KMT2B: variants seen among roughly 807,000 people sequenced by gnomAD.
KMT2B encodes the protein lysine methyltransferase 2B.
KMT2B carries 22 observed loss-of-function variants against 255.3 expected under a neutral mutation model. The ratio of observed to expected loss-of-function variants is 0.09; its 90% CI spans 0.06 to 0.12. The LOEUF (loss-of-function observed/expected upper bound fraction) is 0.12. KMT2B is among the 10% of genes least tolerant of loss of function. The pLI is 1.00. For synonymous variants in KMT2B, 1,730 were observed against 1,498.1 expected, an observed-to-expected ratio of 1.15 and a Z score of -3.57; for missense variants, 3,149 against 3,737.0, an observed-to-expected ratio of 0.84 and a Z score of 4.10.
In KMT2B at chr19:35,725,161, A is replaced by G. The variant is rs941657662; in HGVS notation, c.3529-59A>G. On this transcript the variant is annotated intron_variant, in intron 10 of 36. Coordinates refer to ENST00000420124, the MANE Select transcript of KMT2B (RefSeq NM_014727.3). This position sits in a 1 kb window ranked among gnomAD's most constrained non-coding sequence, Gnocchi z 4.1. ...TCGATGACTGTGTCATCGAGAAGCC[A>G]GGTGGGTCTGCCTTGTATGCCTGGC... 2 of 1,577,906 alleles carry G rather than the reference A, an allele frequency of 1.3e-6. No homozygotes were observed. The highest frequency in any genetic ancestry group is 1.7e-5 in the Admixed American group (1 of 59,662).
Position 35,725,820 on chromosome 19 carries a change from TGA to T in KMT2B, c.3885+7_3885+8del. The T allele has an allele frequency of 1.9e-6, 3 of 1,566,446 alleles. No individual in the cohort carries two copies. The highest frequency in any genetic ancestry group is 2.6e-6 in the Non-Finnish European group (3 of 1,155,834). On this transcript the variant is annotated splice_donor_region_variant and intron_variant, in intron 13 of 36. Transcript: ENST00000420124. The surrounding 1 kb of genome is among the most constrained non-coding windows in gnomAD (Gnocchi z 4.1). ...GCCACGCGCAAACGGCGCCACTGGGTGAGAGATGAGGTTCACCCACTTGCTTT... is the reference window on the plus strand; with the variant it reads ...GCCACGCGCAAACGGCGCCACTGGGTGAGATGAGGTTCACCCACTTGCTTT...
In KMT2B at chr19:35,737,325, G is replaced by A; in HGVS notation, c.7550+62G>A. 7.0e-7 allele frequency: 1 copy of A among 1,429,184 alleles called. No individual in the cohort carries two copies. The highest frequency in any genetic ancestry group is 9.2e-7 in the Non-Finnish European group (1 of 1,086,598). 88.5% of individuals were successfully genotyped at this position (1,429,184 alleles called of 1,614,324 possible). On this transcript the variant is annotated intron_variant, in intron 33 of 36. Coordinates refer to ENST00000420124, the MANE Select transcript of KMT2B (RefSeq NM_014727.3). The surrounding 1 kb of genome is among the most constrained non-coding windows in gnomAD (Gnocchi z 5.3). ...CCCCTATGAGAGCTCTTGAGGGTGG[G>A]AGTTAACTGTAGAGGTTGGAAACTG...
intron 1 of KMT2B, among the ~76,000 whole-genome samples, chr19:35,719,021 G>A (rs1047103969): frequency 6.6e-6 from 1 of 152,188 alleles, no homozygotes; most frequent in Non-Finnish European, 1.5e-5. Context: ...TCGCAGTGGA[G>A]CCTGTACGAA....
chr19:35,736,426 G>A (rs1969919410), intron 30 of KMT2B: 1 of 487,300 alleles, frequency 2.1e-6, no homozygotes, highest in Non-Finnish European at 3.7e-6. Flanking sequence ...GTGTCCTGAA[G>A]AGCCAAAAGG....
At position 35,724,815 on chromosome 19, in the gene KMT2B, T is replaced by C. The variant is rs971887082; in HGVS notation, c.3429+84T>C. ...TGACAGACACACCTGAGTGTCGTGG[T>C]GTGTCCACATGAGAGGACAGGCCCT... On this transcript the variant is annotated intron_variant, in intron 9 of 36. Transcript: ENST00000420124. 4 of 1,283,548 alleles carry C rather than the reference T, an allele frequency of 3.1e-6. No homozygotes were observed. The Admixed American group carries it at 5.9e-5, about 19-fold the overall frequency. 79.5% of individuals were successfully genotyped at this position (1,283,548 alleles called of 1,614,324 possible).
Position 35,733,933 on chromosome 19 carries a change from A to C in KMT2B, c.7159+61A>C. 8.1e-7 allele frequency: 1 copy of C among 1,241,548 alleles called. No homozygotes were observed. The highest frequency in any genetic ancestry group is 1.2e-6 in the Non-Finnish European group (1 of 857,848). 76.9% of individuals were successfully genotyped at this position (1,241,548 alleles called of 1,614,324 possible). On this transcript the variant is annotated intron_variant, in intron 30 of 36. Coordinates refer to ENST00000420124, the MANE Select transcript of KMT2B (RefSeq NM_014727.3). The surrounding 1 kb of genome is among the most constrained non-coding windows in gnomAD (Gnocchi z 4.3). ...TGCCTGGCTCAGCTGGGTGACTCAC[A>C]GATGCAAAATCAGCCCTCTTTCAAA...
chr19:35,734,581 G>C (rs1165118216), intron 30 of KMT2B, among the ~76,000 whole-genome samples: 1 of 152,218 alleles, frequency 6.6e-6, no homozygotes, highest in African/African-American at 2.4e-5. Context: ...AGGCCTGGTG[G>C]CTGGTTTTGA....
At position 35,720,378 on chromosome 19, in the gene KMT2B, T is replaced by C. The variant is rs1354984037; in HGVS notation, c.1031T>C (p.Val344Ala). The change falls in exon 3 of 37, where the codon GTT (valine) becomes GCT (alanine). Residue 344 changes from valine to alanine, a missense_variant. Coordinates refer to ENST00000420124, the MANE Select transcript of KMT2B (RefSeq NM_014727.3). ...ESWQDVPQRR[V>A]GSGQGGSPCW... ...TGGCAGGATGTCCCCCAAAGAAGAG[T>C]TGGATCTGGACAGGGAGGGAGCCCT... 1 of 1,592,966 alleles carries C rather than the reference T, an allele frequency of 6.3e-7. No homozygotes were observed. The highest frequency in any genetic ancestry group is 8.5e-7 in the Non-Finnish European group (1 of 1,169,890).
Position 35,729,182 on chromosome 19 carries a change from C to G in KMT2B, c.4803C>G (p.Ile1601Met). 1.2e-6 allele frequency: 2 copies of G among 1,613,264 alleles called. No individual in the cohort carries two copies. The highest frequency in any genetic ancestry group is 2.2e-5 in the South Asian group (2 of 90,954). Residue 1601 changes from isoleucine (I) to methionine (M), a missense_variant, in exon 22 of 37, where the codon ATC (isoleucine) becomes ATG (methionine). This residue lies in a region of KMT2B where 11 missense variants were observed against 47.6 expected (regional missense o/e 0.23). Coordinates refer to ENST00000420124, the MANE Select transcript of KMT2B (RefSeq NM_014727.3). ...AGGAGGCGGGGCGGCTCTTGTACAT[C>G]GGGCAGAACGAGTGGACACACGTCA... is the stretch of plus-strand genomic sequence containing the variant. ...DSKEAGRLLY[I>M]GQNEWTHVNC...
At chr19:35,728,953 T>TA (rs755741881) in intron 20 of KMT2B, 32 bp from the exon 21 acceptor site, 1 of 1,613,448 alleles carries the variant, frequency 6.2e-7, no homozygotes, top group Non-Finnish European at 8.5e-7. Context: ...CGGGTCCTGA[T>TA]TCTTAGACCT....
chr19:35,733,008 C>T lies in KMT2B; in HGVS notation c.6459C>T (p.Thr2153=), dbSNP rs750486219. 124 of 1,596,222 alleles carry T rather than the reference C, an allele frequency of 7.8e-5. No homozygotes were observed. The highest frequency in any genetic ancestry group is 1.7e-4 in the Middle Eastern group (1 of 6,046). Reference sequence around the variant, plus strand: ...GCAGCCAGCCCTCCCAAGGCCTGACCGCCAGCCCAGCTGACCCCACCCGCA... The same window carrying T: ...GCAGCCAGCCCTCCCAAGGCCTGACTGCCAGCCCAGCTGACCCCACCCGCA... ...ANGSQPSQGL[T]ASPADPTRTF... The change falls in exon 28 of 37, where the codon ACC becomes ACT. Residue 2153 remains threonine, a synonymous_variant. Coordinates refer to ENST00000420124, the MANE Select transcript of KMT2B (RefSeq NM_014727.3). The surrounding 1 kb of genome is among the most constrained non-coding windows in gnomAD (Gnocchi z 4.3).
Position 35,738,593 on chromosome 19 carries a change from T to C in KMT2B, c.*36T>C. 1 of 1,594,084 alleles carries C rather than the reference T, an allele frequency of 6.3e-7. No homozygotes were observed. The highest frequency in any genetic ancestry group is 8.6e-7 in the Non-Finnish European group (1 of 1,168,368). On this transcript the variant is annotated 3_prime_UTR_variant, in exon 37 of 37. Coordinates refer to ENST00000420124, the MANE Select transcript of KMT2B (RefSeq NM_014727.3). This position sits in a 1 kb window ranked among gnomAD's most constrained non-coding sequence, Gnocchi z 8.7. ...GCCCACCACGACCCCTCACACCTCC[T>C]GCTGCCGTCGCTGCCATCTTGCCCC...
chr19:35,720,541 G>A lies in KMT2B; in HGVS notation c.1194G>A (p.Glu398=). The part of the protein sequence containing the change: ...EEMMPAAEKE[E]AKLPPPPLTP... ...TGATGCCAGCTGCGGAAAAGGAAGA[G>A]GCAAAGCTGCCACCACCGCCTCTGA... Residue 398 remains glutamate (E), a synonymous_variant, in exon 3 of 37, where the codon GAG becomes GAA. Coordinates refer to ENST00000420124, the MANE Select transcript of KMT2B (RefSeq NM_014727.3). 1 of 1,548,244 alleles carries A rather than the reference G, an allele frequency of 6.5e-7. No individual in the cohort carries two copies. The highest frequency in any genetic ancestry group is 8.7e-7 in the Non-Finnish European group (1 of 1,145,316).
rs201268190 is a variant in KMT2B at position 35,722,465 on chromosome 19, G to A, written c.2564G>A (p.Arg855Gln). Reference protein sequence around the residue: ...EDESVEAKRERPSGPESPVQG... With the variant: ...EDESVEAKREQPSGPESPVQG... The stretch of plus-strand genomic sequence containing the variant: ...GAGTCGGTGGAAGCTAAGAGAGAGC[G>A]GCCCTCAGTATGCATCGGGAGGAGG... Residue 855 changes from arginine (R) to glutamine (Q), a missense_variant, in exon 4 of 37, where the codon CGG becomes CAG. Arg to Gln is a conservative substitution (Grantham distance 43). Coordinates refer to ENST00000420124, the MANE Select transcript of KMT2B (RefSeq NM_014727.3). 108 of 1,607,554 alleles carry A rather than the reference G, an allele frequency of 6.7e-5. No individual in the cohort carries two copies. In the Admixed American group the frequency reaches 9.2e-4, roughly 14 times the overall value.
rs1405324600 is a variant in KMT2B, at chr19:35,730,374, C to T, written c.5109C>T (p.Leu1703=). The change falls in exon 24 of 37, where the codon CTC becomes CTT. Residue 1703 remains leucine (L), a synonymous_variant. Transcript: ENST00000420124. The part of the protein sequence containing the change: ...EIVNPDGFDV[L]RRVYVDFEGI... ...TGAACCCCGATGGTTTTGATGTTCTCCGCCGAGTCTATGTGGACTTCGAGG... is the reference window on the plus strand; with the variant it reads ...TGAACCCCGATGGTTTTGATGTTCTTCGCCGAGTCTATGTGGACTTCGAGG... The T allele has an allele frequency of 1.2e-6, 2 of 1,613,272 alleles. No individual in the cohort carries two copies. The highest frequency in any genetic ancestry group is 2.2e-5 in the East Asian group (1 of 44,870).
Position 35,733,976 on chromosome 19 carries a change from G to C in KMT2B, c.7159+104G>C. 1.3e-6 allele frequency: 1 copy of C among 789,548 alleles called. No individual in the cohort carries two copies. The highest frequency in any genetic ancestry group is 1.7e-5 in the South Asian group (1 of 59,526). The allele number at this position is 789,548 out of a possible 1,614,324, so 48.9% of individuals were successfully genotyped here. Reference sequence around the variant, plus strand: ...CTTTCAAAACCAGTATCTACTCCCAGGGGCCAAGCCTGAGGCTCGGTGCTA... The same window carrying C: ...CTTTCAAAACCAGTATCTACTCCCACGGGCCAAGCCTGAGGCTCGGTGCTA... On this transcript the variant is annotated intron_variant, in intron 30 of 36. Coordinates refer to ENST00000420124, the MANE Select transcript of KMT2B (RefSeq NM_014727.3). This position sits in a 1 kb window ranked among gnomAD's most constrained non-coding sequence, Gnocchi z 4.3.
In KMT2B at chr19:35,725,191, C is replaced by T. The variant is rs760227558; in HGVS notation, c.3529-29C>T. ...GGTCTGCCTTGTATGCCTGGCGGCC[C>T]TCTGATCCTGCATCCTCTCTTCCCC... On this transcript the variant is annotated intron_variant, in intron 10 of 36. Transcript: ENST00000420124. This position sits in a 1 kb window ranked among gnomAD's most constrained non-coding sequence, Gnocchi z 4.1. The T allele has an allele frequency of 7.5e-6, 12 of 1,605,048 alleles. No homozygotes were observed. The East Asian group carries it at 2.2e-4, about 30-fold the overall frequency.
rs916813625 is a variant in KMT2B, at chr19:35,730,110, T to C, written c.5061T>C (p.Asp1687=). ...AAGTCTTCTGCCAGAAACACACTGA[T>C]CTCCTGGATGGCAAGGTGGGCCAGA... ...DKKVFCQKHT[D]LLDGKEIVNP... The change falls in exon 23 of 37, where the codon GAT becomes GAC. Residue 1687 remains aspartate (D), a synonymous_variant. Coordinates refer to ENST00000420124, the MANE Select transcript of KMT2B (RefSeq NM_014727.3). 8.1e-6 allele frequency: 13 copies of C among 1,613,518 alleles called. No individual in the cohort carries two copies. Among genetic ancestry groups the C allele is most frequent in the Non-Finnish European group, 1.0e-5 (12 of 1,179,782 alleles).
In KMT2B at chr19:35,718,518, C is replaced by T. The variant is rs1408628791; in HGVS notation, c.363+137C>T. 2.4e-5 allele frequency: 25 copies of T among 1,042,152 alleles called. No individual in the cohort carries two copies. The highest frequency in any genetic ancestry group is 5.0e-5 in the African/African-American group (3 of 59,904). The allele number at this position is 1,042,152 out of a possible 1,614,324, so 64.6% of individuals were successfully genotyped here. A position where few individuals can be genotyped will look rare whatever the true frequency, so the allele number is the denominator to read the frequency against. On this transcript the variant is annotated intron_variant, in intron 1 of 36. Coordinates refer to ENST00000420124, the MANE Select transcript of KMT2B (RefSeq NM_014727.3). This position sits in a 1 kb window ranked among gnomAD's most constrained non-coding sequence, Gnocchi z 5.0. ...GGAGAGACGGGGCACGGAGGGAGGGCGGCTGCATGCAGCTTCCGGGGGAAA... is the reference window on the plus strand; with the variant it reads ...GGAGAGACGGGGCACGGAGGGAGGGTGGCTGCATGCAGCTTCCGGGGGAAA...
Sources: allele counts gnomAD v4.1 joint callset (sites outside exome capture counted in the v4.1 genomes callset), GRCh38; gene constraint gnomAD v4.1.1; regional missense constraint gnomAD v4.1.1; non-coding constraint Gnocchi (gnomAD v3.1); transcripts MANE v1.5; gene names NCBI Gene and HGNC (gene_info 2026-07-23, HGNC 2026-07-21).